PSAT1: variants seen among roughly 807,000 people sequenced by gnomAD.
The protein encoded by PSAT1 is phosphoserine aminotransferase.
PSAT1 carries 41 observed loss-of-function variants against 40.3 expected under a neutral mutation model. The ratio of observed to expected loss-of-function variants is 1.02; its 90% CI spans 0.79 to 1.32. PSAT1 has a LOEUF of 1.32. Among genes scored for constraint, PSAT1 ranks in the 40% most tolerant of loss-of-function variants. The pLI is 0.00. For synonymous variants in PSAT1, 147 were observed against 170.5 expected (o/e 0.86, Z 1.07); for missense variants, 406 against 455.8 (o/e 0.89, Z 0.99).
intron 1 of PSAT1, among the ~76,000 whole-genome samples, chr9:78,298,859 A>G (rs1015952832): frequency 1.3e-5 from 2 of 152,200 alleles, no homozygotes; most frequent in African/African-American, 4.8e-5. Flanking sequence ...ACAAAATGAC[A>G]AAGTATACAC....
chr9:78,306,711 A>C (rs1460047726), intron 5 of PSAT1, among the ~76,000 whole-genome samples: 1 of 152,094 alleles, frequency 6.6e-6, no homozygotes, highest in Non-Finnish European at 1.5e-5. Context: ...ACAGGGTCCC[A>C]CTCGAGTCCT....
In PSAT1 at chr9:78,329,951, C is replaced by G. The variant is rs529821810; in HGVS notation, c.*865C>G. 370 of 152,262 alleles carry G rather than the reference C, an allele frequency of 2.4e-3. No individual in the cohort carries two copies. Among genetic ancestry groups the G allele is most frequent in the African/African-American group, 8.2e-3 (339 of 41,546 alleles). The allele number at this position is 152,262 out of a possible 1,614,324, so 9.4% of individuals were successfully genotyped here. Reference sequence around the variant, plus strand: ...AACTAAACATTTCTGTTAAATTACCCTATCCTTTGTTCTCTACTGTTTTCT... The same window carrying G: ...AACTAAACATTTCTGTTAAATTACCGTATCCTTTGTTCTCTACTGTTTTCT... On this transcript the variant is annotated 3_prime_UTR_variant, in exon 9 of 9. Transcript: ENST00000376588.
chr9:78,315,086 G>A (rs142501227), intron 6 of PSAT1, among the ~76,000 whole-genome samples: 8 of 152,278 alleles, frequency 5.3e-5, no homozygotes, highest in Non-Finnish European at 7.4e-5. Flanking sequence ...GGGCAGCCTC[G>A]TGTCTGGAAT....
At position 78,304,828 on chromosome 9, in the gene PSAT1, A is replaced by G. The variant is rs942065581; in HGVS notation, c.285A>G (p.Ala95=). ...AVPLNLIGLK[A]GRCADYVVTG... ...CCTTAAACCTCATTGGCTTGAAAGC[A>G]GGAAGGTGTGCTGACTATGTGGTGA... The change falls in exon 4 of 9, where the codon GCA becomes GCG. Residue 95 remains alanine (A), a synonymous_variant. Coordinates refer to ENST00000376588, the MANE Select transcript of PSAT1 (RefSeq NM_058179.4). The G allele has an allele frequency of 6.2e-7, 1 of 1,614,190 alleles. No individual in the cohort carries two copies. Among genetic ancestry groups the G allele is most frequent in the African/African-American group, 1.3e-5 (1 of 75,040 alleles).
rs148080212 is a variant in PSAT1 at position 78,328,065 on chromosome 9, C to G, written c.884C>G (p.Pro295Arg). ...SQGFYVCPVE[P>R]QNRSKMNIPF... ...ATGTTTTTCAGTTGTCCAGTGGAGC[C>G]CCAAAATAGAAGCAAGATGAATATT... Residue 295 changes from proline to arginine, a missense_variant, in exon 8 of 9, where the codon CCC becomes CGC. By Grantham distance (103) the Pro-to-Arg change is moderately radical (BLOSUM62 -2). Coordinates refer to ENST00000376588, the MANE Select transcript of PSAT1 (RefSeq NM_058179.4). 267 of 1,611,142 alleles carry G rather than the reference C, an allele frequency of 1.7e-4. 1 individual carries two copies. In the African/African-American group the frequency reaches 3.3e-3, roughly 20 times the overall value.
intron 1 of PSAT1, among the ~76,000 whole-genome samples, chr9:78,298,553 T>C (rs772379409): frequency 1.3e-5 from 2 of 152,218 alleles, no homozygotes; most frequent in Non-Finnish European, 2.9e-5. Context: ...ATGTTTCCTG[T>C]AGCCTCCTCC....
chr9:78,297,136 C>A lies in PSAT1; in HGVS notation c.-75C>A. 1.4e-6 allele frequency: 2 copies of A among 1,468,214 alleles called. No individual in the cohort carries two copies. The highest frequency in any genetic ancestry group is 1.2e-5 in the South Asian group (1 of 83,064). The allele number at this position is 1,468,214 out of a possible 1,614,324, so 90.9% of individuals were successfully genotyped here. Reference sequence around the variant, plus strand: ...GTTCGGGGCCGGCTGCAGACTCTCACCGCAGCGGCCAGGAACGCCAGCCGT... The same window carrying A: ...GTTCGGGGCCGGCTGCAGACTCTCAACGCAGCGGCCAGGAACGCCAGCCGT... On this transcript the variant is annotated 5_prime_UTR_variant, in exon 1 of 9. Coordinates refer to ENST00000376588, the MANE Select transcript of PSAT1 (RefSeq NM_058179.4).
Position 78,297,266 on chromosome 9 carries a change from A to G in PSAT1, c.56A>G (p.His19Arg). The part of the protein sequence containing the change: ...NFGPGPAKLP[H>R]SVLLEIQKEL... ...GGGCCTGGTCCCGCCAAGCTGCCGC[A>G]CTCAGTAAGTCCCCGCGAGCGGGCG... is the stretch of plus-strand genomic sequence containing the variant. The change falls in exon 1 of 9, where the codon CAC becomes CGC. Residue 19 changes from histidine to arginine, a missense_variant. Transcript: ENST00000376588. 1 of 1,600,640 alleles carries G rather than the reference A, an allele frequency of 6.2e-7. No homozygotes were observed. Among genetic ancestry groups the G allele is most frequent in the Non-Finnish European group, 8.5e-7 (1 of 1,178,196 alleles).
chr9:78,309,246 A>C (rs116315268), intron 6 of PSAT1, among the ~76,000 whole-genome samples: 3,297 of 152,340 alleles, frequency 0.022, 121 homozygotes, highest in African/African-American at 0.074. Context: ...CAGCCAGTGC[A>C]GCTTTGGAGA....
intron 7 of PSAT1, among the ~76,000 whole-genome samples, chr9:78,326,815 T>C (rs1828503353): frequency 6.6e-6 from 1 of 151,388 alleles, no homozygotes; most frequent in South Asian, 2.1e-4. Flanking sequence ...AGTCGTCATC[T>C]GGTTATTCAT....
In PSAT1 at chr9:78,329,271, C is replaced by T. The variant is rs1828547163; in HGVS notation, c.*185C>T. 1.7e-6 allele frequency: 1 copy of T among 582,838 alleles called. No individual in the cohort carries two copies. Among genetic ancestry groups the T allele is most frequent in the Non-Finnish European group, 3.0e-6 (1 of 328,450 alleles). 36.1% of individuals were successfully genotyped at this position (582,838 alleles called of 1,614,324 possible). On this transcript the variant is annotated 3_prime_UTR_variant, in exon 9 of 9. Transcript: ENST00000376588. ...CTGTAAAGCTGGTGGGACCTAATGT[C>T]ACCTTAATTCTGACTTGAACTGGAA...
At chr9:78,301,919 A>G (rs901876145) in intron 2 of PSAT1, 35 bp from the exon 3 acceptor site, 2 of 1,521,150 alleles carry the variant, frequency 1.3e-6, no homozygotes, top group African/African-American at 2.7e-5. Flanking sequence ...TTGAGCTGGA[A>G]TATTTGTTAT....
chr9:78,304,381 CCTGGGG>C (rs1828150019), intron 3 of PSAT1, among the ~76,000 whole-genome samples: 2 of 152,194 alleles, frequency 1.3e-5, no homozygotes, highest in African/African-American at 2.4e-5. Flanking sequence ...CATTGGCCAG[CCTGGGG>C]CAGGTACTCA....
At chr9:78,317,882 T>C in intron 7 of PSAT1, 78 bp downstream of exon 7, 1 of 1,495,690 alleles carries the variant, frequency 6.7e-7, no homozygotes. Context: ...CTTTGAAAAG[T>C]GGACATATTC....
Position 78,304,768 on chromosome 9 carries a change from G to T in PSAT1, c.225G>T (p.Leu75=), listed in dbSNP as rs377756778. 8 of 1,614,018 alleles carry T rather than the reference G, an allele frequency of 5.0e-6. No homozygotes were observed. Among genetic ancestry groups the T allele is most frequent in the African/African-American group, 1.3e-5 (1 of 74,914 alleles). The change falls in exon 4 of 9, where the codon CTG becomes CTT. Residue 75 remains leucine, a synonymous_variant. Transcript: ENST00000376588. ...CAGACAACTATAAGGTGATTTTTCT[G>T]CAAGGAGGTGGGTGCGGCCAGTTCA... ...AVPDNYKVIF[L]QGGGCGQFSA...
Position 78,306,370 on chromosome 9 carries a change from T to C in PSAT1, c.454T>C (p.Cys152Arg). ...CCCAGATGCCTCCTACGTGTATTAT[T>C]GCGCAAATGAGACGGTGCATGGTGT... ...LNPDASYVYY[C>R]ANETVHGVEF... is the part of the protein sequence containing the mutation. The change falls in exon 5 of 9, where the codon TGC becomes CGC. Residue 152 changes from cysteine to arginine, a missense_variant. Coordinates refer to ENST00000376588, the MANE Select transcript of PSAT1 (RefSeq NM_058179.4). 1 of 1,613,354 alleles carries C rather than the reference T, an allele frequency of 6.2e-7. No homozygotes were observed. Among genetic ancestry groups the C allele is most frequent in the Non-Finnish European group, 8.5e-7 (1 of 1,179,998 alleles).
At chr9:78,326,335 G>C (rs1457751178) in intron 7 of PSAT1, among the ~76,000 whole-genome samples, 1 of 152,088 alleles carries the variant, frequency 6.6e-6, no homozygotes, top group Non-Finnish European at 1.5e-5. Context: ...TAAAAAAATT[G>C]CAGAGTAATG....
chr9:78,327,330 G>A (rs991025925), intron 7 of PSAT1, among the ~76,000 whole-genome samples: 4 of 152,066 alleles, frequency 2.6e-5, no homozygotes, highest in Non-Finnish European at 5.9e-5. Flanking sequence ...CTTGGAAGGT[G>A]CAAAGAGTCT....
At chr9:78,303,235 G>A (rs1022333150) in intron 3 of PSAT1, among the ~76,000 whole-genome samples, 1 of 152,132 alleles carries the variant, frequency 6.6e-6, no homozygotes, top group Non-Finnish European at 1.5e-5. Context: ...GATTCAGATG[G>A]GGCAGGCTTG....
Sources: gnomAD v4.1 joint callset for allele counts (sites outside exome capture counted in the v4.1 genomes callset) on GRCh38, gnomAD v4.1.1 for gene constraint, MANE v1.5 for transcripts, NCBI Gene and HGNC (gene_info 2026-07-23, HGNC 2026-07-21) for gene names.